OCRL: variants seen among roughly 807,000 people sequenced by gnomAD.
OCRL encodes the protein OCRL inositol polyphosphate-5-phosphatase, also known as inositol polyphosphate 5-phosphatase OCRL.
Under a neutral mutation model 78.9 loss-of-function variants are expected in OCRL, and 8 were observed. The ratio of observed to expected loss-of-function variants is 0.10; its 90% CI spans 0.06 to 0.18. The LOEUF (loss-of-function observed/expected upper bound fraction) is 0.18. Ranked by LOEUF, OCRL falls within the 10% of genes least tolerant of loss-of-function variation. The pLI is 1.00. For missense variants in OCRL, 454 were observed against 696.7 expected, an observed-to-expected ratio of 0.65 and a Z score of 3.92; for synonymous variants, 240 against 235.4, an observed-to-expected ratio of 1.02 and a Z score of -0.18.
At chrX:129,583,190 A>G (rs764477240) in intron 18 of OCRL, among the ~76,000 whole-genome samples, 210 of 112,075 alleles carry the variant, frequency 1.9e-3, no homozygotes, top group Non-Finnish European at 3.0e-3. Context: ...AAAATTGCCA[A>G]GAGGTGGAAC....
chrX:129,544,277 A>G (rs1251013520), intron 2 of OCRL, among the ~76,000 whole-genome samples: 1 of 111,380 alleles, frequency 9.0e-6, no homozygotes, highest in Non-Finnish European at 1.9e-5. Context: ...TATGGATTTC[A>G]TCTGGGGAGT....
In OCRL at chrX:129,588,184, C is replaced by T. The variant is rs1936538857; in HGVS notation, c.2262C>T (p.Asp754=). The T allele has an allele frequency of 8.4e-7, 1 of 1,193,792 alleles. No individual in the cohort carries two copies. The highest frequency in any genetic ancestry group is 1.8e-5 in the African/African-American group (1 of 56,690). Residue 754 remains aspartate, a synonymous_variant, in exon 21 of 24, where the codon GAC becomes GAT. Transcript: ENST00000371113. ...CATTCTGACTTCTTTGGTAGGAGGACCTGTTCCAGACCCCTGGAATGCAGG... is the reference window on the plus strand; with the variant it reads ...CATTCTGACTTCTTTGGTAGGAGGATCTGTTCCAGACCCCTGGAATGCAGG... ...HLFKYACHQE[D]LFQTPGMQEE... is the part of the protein sequence containing the mutation.
At position 129,570,819 on chromosome X, in the gene OCRL, A is replaced by G. The variant is rs991899964; in HGVS notation, c.1602+1420A>G. 3.6e-5 allele frequency among the ~76,000 whole-genome samples: 4 copies of G among 112,135 alleles called. No individual in the cohort carries two copies. In the Admixed American group the frequency reaches 3.8e-4, roughly 11 times the overall value. ...ACTACACAGATCCACTTATATCCAGATATTTTCAACCAAATGCAGATGGAA... is the reference window on the plus strand; with the variant it reads ...ACTACACAGATCCACTTATATCCAGGTATTTTCAACCAAATGCAGATGGAA... On this transcript the variant is annotated intron_variant, in intron 15 of 23. Coordinates refer to ENST00000371113, the MANE Select transcript of OCRL (RefSeq NM_000276.4).
chrX:129,566,000 C>A (rs1243205229), intron 13 of OCRL, 117 bp downstream of exon 13: 5 of 524,928 alleles, frequency 9.5e-6, no homozygotes, highest in Non-Finnish European at 1.7e-5. Context: ...CTTGTGAAAA[C>A]AGTGTGACTA....
intron 4 of OCRL, among the ~76,000 whole-genome samples, chrX:129,548,986 A>G (rs1351621238): frequency 9.0e-6 from 1 of 111,053 alleles, no homozygotes; most frequent in Non-Finnish European, 1.9e-5. Flanking sequence ...ATTACATTTT[A>G]AGTTTTTTCC....
intron 3 of OCRL, among the ~76,000 whole-genome samples, chrX:129,547,393 C>T (rs777227860): frequency 4.6e-5 from 5 of 108,582 alleles, no homozygotes; most frequent in East Asian, 5.8e-4. Flanking sequence ...GGCATGGTGG[C>T]GGGTGCCTGT....
chrX:129,579,773 A>T (rs1164496111), intron 18 of OCRL, among the ~76,000 whole-genome samples: 1 of 112,392 alleles, frequency 8.9e-6, no homozygotes, highest in Non-Finnish European at 1.9e-5. Context: ...TACACACTGG[A>T]TACAAAGTAT....
chrX:129,558,642 G>A lies in OCRL; in HGVS notation c.449G>A (p.Gly150Glu), dbSNP rs1022876230. 1 of 1,211,229 alleles carries A rather than the reference G, an allele frequency of 8.3e-7. No homozygotes were observed. The highest frequency in any genetic ancestry group is 1.1e-6 in the Non-Finnish European group (1 of 895,209). The change falls in exon 7 of 24, where the codon GGA becomes GAA. Residue 150 changes from glycine to glutamate, a missense_variant. Around this residue, in one of 2 missense-constraint regions of OCRL, gnomAD observed 177 missense variants for 179.6 expected, o/e 0.99. Coordinates refer to ENST00000371113, the MANE Select transcript of OCRL (RefSeq NM_000276.4). ...DKPSVFSGLL[G>E]FEDNFSSMNL... is the part of the protein sequence containing the mutation. ...GGTCTGTGTCTTTCAGGGCTTCTTG[G>A]ATTTGAAGACAATTTTTCTTCTATG... is the stretch of plus-strand genomic sequence containing the variant.
chrX:129,546,605 G>C (rs1403829842), intron 3 of OCRL, among the ~76,000 whole-genome samples: 1 of 111,998 alleles, frequency 8.9e-6, no homozygotes, highest in East Asian at 2.8e-4. Flanking sequence ...TACTAAACAA[G>C]GTAGCCACGT....
chrX:129,556,063 C>A (rs1307361016), intron 4 of OCRL, among the ~76,000 whole-genome samples: 1 of 110,657 alleles, frequency 9.0e-6, no homozygotes, highest in Non-Finnish European at 1.9e-5. Context: ...TATCTATTTT[C>A]TTCTAATTAA....
intron 20 of OCRL, 135 bp from the exon 21 acceptor site, chrX:129,588,044 C>T (rs1569463610): frequency 3.9e-6 from 2 of 518,263 alleles, no homozygotes; most frequent in Non-Finnish European, 7.0e-6. Context: ...GTTATTTTCA[C>T]ACCTCCATTT....
chrX:129,560,970 A>T (rs565111966), intron 9 of OCRL, among the ~76,000 whole-genome samples: 2 of 112,394 alleles, frequency 1.8e-5, no homozygotes, highest in South Asian at 7.3e-4. Flanking sequence ...ATTTTGATTT[A>T]TTTTTTGCAT....
chrX:129,544,036 G>A (rs1001266389), intron 2 of OCRL, among the ~76,000 whole-genome samples: 3 of 110,194 alleles, frequency 2.7e-5, no homozygotes, highest in African/African-American at 9.9e-5. Context: ...TCTGCTTGGG[G>A]GTACTGAGGA....
chrX:129,555,430 C>T (rs1231962757), intron 4 of OCRL, among the ~76,000 whole-genome samples: 2 of 111,653 alleles, frequency 1.8e-5, no homozygotes, highest in Non-Finnish European at 3.8e-5. Flanking sequence ...GCCGAGATCA[C>T]GCCACTGTGT....
At chrX:129,565,937 A>G (rs1936211406) in intron 13 of OCRL, 54 bp downstream of exon 13, 1 of 830,509 alleles carries the variant, frequency 1.2e-6, no homozygotes, top group Non-Finnish European at 1.8e-6. Flanking sequence ...TGAGATTGTT[A>G]GAGTTATGGG....
chrX:129,590,201 G>C lies in OCRL; in HGVS notation c.2637G>C (p.Gln879His). Reference protein sequence around the residue: ...LRPPPNLMARQTPSDRQRAIQ... With the variant: ...LRPPPNLMARHTPSDRQRAIQ... ...CTCCACCCAACCTTATGGCAAGACA[G>C]ACTCCAAGTGACCGCCAGCGTGCTA... is the stretch of plus-strand genomic sequence containing the variant. The change falls in exon 24 of 24, where the codon CAG becomes CAC. Residue 879 changes from glutamine to histidine, a missense_variant. Around this residue, in one of 2 missense-constraint regions of OCRL, gnomAD observed 277 missense variants for 517.1 expected, o/e 0.54. Transcript: ENST00000371113. 8.3e-7 allele frequency: 1 copy of C among 1,211,337 alleles called. No individual in the cohort carries two copies. The highest frequency in any genetic ancestry group is 2.2e-5 in the Admixed American group (1 of 45,952).
At position 129,562,771 on chromosome X, in the gene OCRL, A is replaced by G. The variant is rs1355214193; in HGVS notation, c.1229A>G (p.Asn410Ser). 1 of 1,210,554 alleles carries G rather than the reference A, an allele frequency of 8.3e-7. No homozygotes were observed. The highest frequency in any genetic ancestry group is 3.0e-5 in the East Asian group (1 of 33,826). ...VVPNQTLPQL[N>S]IMKHEVVIWL... Reference sequence around the variant, plus strand: ...CCAAATCAGACCCTCCCGCAGTTGAACATCATGAAACATGAGTAAGTGGTT... The same window carrying G: ...CCAAATCAGACCCTCCCGCAGTTGAGCATCATGAAACATGAGTAAGTGGTT... The change falls in exon 12 of 24, where the codon AAC becomes AGC. Residue 410 changes from asparagine to serine, a missense_variant. Physicochemically the swap from Asn to Ser is conservative, Grantham distance 46. Around this residue, in one of 2 missense-constraint regions of OCRL, gnomAD observed 277 missense variants for 517.1 expected, o/e 0.54. Coordinates refer to ENST00000371113, the MANE Select transcript of OCRL (RefSeq NM_000276.4).
At chrX:129,556,118 G>A (rs1461303256) in intron 4 of OCRL, among the ~76,000 whole-genome samples, 1 of 111,979 alleles carries the variant, frequency 8.9e-6, no homozygotes, top group Non-Finnish European at 1.9e-5. Context: ...AAGACAGAAA[G>A]AAGAAGAAAT....
At chrX:129,577,071 T>C (rs1259216379) in intron 18 of OCRL, among the ~76,000 whole-genome samples, 19 of 111,448 alleles carry the variant, frequency 1.7e-4, no homozygotes, top group Non-Finnish European at 1.9e-4. Flanking sequence ...AAAACTTTGC[T>C]ATTTATGGAA....
Sources: gnomAD v4.1 joint callset for allele counts (sites outside exome capture counted in the v4.1 genomes callset) on GRCh38, gnomAD v4.1.1 for gene constraint, gnomAD v4.1.1 regional missense constraint, MANE v1.5 for transcripts, NCBI Gene and HGNC (gene_info 2026-07-23, HGNC 2026-07-21) for gene names.